GLIS1: variants seen among roughly 807,000 people sequenced by gnomAD.
GLIS1 encodes the protein zinc finger protein GLIS1.
GLIS1 carries 24 observed loss-of-function variants against 63.8 expected under a neutral mutation model. That is an observed-to-expected ratio of 0.38 (90% CI 0.27 to 0.53). The LOEUF is 0.53. GLIS1 is among the 20% of genes least tolerant of loss of function. The probability of loss-of-function intolerance (pLI) is 0.85; values close to 1 mark genes in which losing one functional copy is unlikely to be tolerated. For missense variants in GLIS1, 1,036 were observed against 1,074.1 expected, an observed-to-expected ratio of 0.96 and a Z score of 0.50; for synonymous variants, 450 against 482.5, an observed-to-expected ratio of 0.93 and a Z score of 0.88.
intron 4 of GLIS1, among the ~76,000 whole-genome samples, chr1:53,565,893 A>G (rs778105209): frequency 1.3e-5 from 2 of 152,158 alleles, no homozygotes; most frequent in Non-Finnish European, 2.9e-5. Context: ...AAGTAGGAGA[A>G]CCACAGGCAA....
At chr1:53,703,372 C>T (rs1224657551) in intron 2 of GLIS1, among the ~76,000 whole-genome samples, 1 of 152,106 alleles carries the variant, frequency 6.6e-6, no homozygotes, top group Non-Finnish European at 1.5e-5. Flanking sequence ...TGCAGTGGCT[C>T]ATGCCTGTAA....
In GLIS1 at chr1:53,524,895, A is replaced by T; in HGVS notation, c.1483-8T>A. ...CTGACAGGCGTACGGCTTCTGTAAC[A>T]TGGGGGGCACGGGTGGGGTGAGTGA... On this transcript the variant is annotated splice_polypyrimidine_tract_variant and splice_region_variant and intron_variant, in intron 5 of 10. Coordinates refer to ENST00000628545, the MANE Select transcript of GLIS1 (RefSeq NM_001367484.1). The T allele has an allele frequency of 3.2e-6, 5 of 1,566,612 alleles. No homozygotes were observed. Among genetic ancestry groups the T allele is most frequent in the Admixed American group, 1.7e-5 (1 of 59,360 alleles).
At chr1:53,734,017 G>C (rs1646889110) in intron 2 of GLIS1, 1 of 983,636 alleles carries the variant, frequency 1.0e-6, no homozygotes. Context: ...ATGACTTACT[G>C]TCCACCGCCC....
intron 2 of GLIS1, among the ~76,000 whole-genome samples, chr1:53,626,025 C>T (rs1645590102): frequency 6.6e-6 from 1 of 152,214 alleles, no homozygotes; most frequent in South Asian, 2.1e-4. Flanking sequence ...CCCACTTGCT[C>T]TCTAGGGCTC....
At position 53,593,800 on chromosome 1, in the gene GLIS1, CT is replaced by C. The variant is rs370691941; in HGVS notation, c.1320+307del. Among the ~76,000 whole-genome samples the C allele has an allele frequency of 1.7e-4, 26 of 152,362 alleles. No homozygotes were observed. The East Asian group carries it at 5.0e-3, about 29-fold the overall frequency. ...ACATGAAAGAAGAGGCTGGCCACGC[CT>C]GTTTTTCCAATCGCATGTGCACACA... On this transcript the variant is annotated intron_variant, in intron 4 of 10. Transcript: ENST00000628545.
chr1:53,558,639 A>T lies in GLIS1; in HGVS notation c.1321-28687T>A, dbSNP rs540121. Among the ~76,000 whole-genome samples, 524 of 152,276 alleles carry T rather than the reference A, an allele frequency of 3.4e-3. 5 individuals carry two copies. Among genetic ancestry groups the T allele is most frequent in the African/African-American group, 0.01 (418 of 41,554 alleles). ...TAGACTGGGGCAAGCAGGGTGTCCC[A>T]AGGTCAAGCAGGGTGTCCCATTCAT... is the stretch of plus-strand genomic sequence containing the variant. On this transcript the variant is annotated intron_variant, in intron 4 of 10. Transcript: ENST00000628545.
chr1:53,594,194 C>T lies in GLIS1; in HGVS notation c.1234G>A (p.Val412Met), dbSNP rs878859840. The T allele has an allele frequency of 1.1e-5, 17 of 1,613,840 alleles. No individual in the cohort carries two copies. Among genetic ancestry groups the T allele is most frequent in the African/African-American group, 2.7e-5 (2 of 74,946 alleles). ...GCGTTGAAGGGCTTGTAGCGGCGCA[C>T]GCAGCCAGCCCAGAAGCAGGTGAAG... ...EDFTCFWAGCVRRYKPFNARY... is the reference protein window; with the variant it reads ...EDFTCFWAGCMRRYKPFNARY... Residue 412 changes from valine to methionine, a missense_variant, in exon 4 of 11, where the codon GTG (valine) becomes ATG (methionine). By Grantham distance (21) the Val-to-Met change is conservative. Coordinates refer to ENST00000628545, the MANE Select transcript of GLIS1 (RefSeq NM_001367484.1).
At chr1:53,626,836 G>A (rs1645599257) in intron 2 of GLIS1, among the ~76,000 whole-genome samples, 1 of 152,222 alleles carries the variant, frequency 6.6e-6, no homozygotes, top group African/African-American at 2.4e-5. Context: ...AGCTGTGGCT[G>A]ACATGCCCCT....
In GLIS1 at chr1:53,560,438, A is replaced by G. The variant is rs561299464; in HGVS notation, c.1321-30486T>C. Among the ~76,000 whole-genome samples the G allele has an allele frequency of 6.6e-6, 1 of 152,210 alleles. No homozygotes were observed. The highest frequency in any genetic ancestry group is 2.4e-5 in the African/African-American group (1 of 41,456). ...GCAAGGGCAGGGGTTCCACTGGCAG[A>G]CGGACAGTTCCGGTCGGGAGATATC... On this transcript the variant is annotated intron_variant, in intron 4 of 10. Coordinates refer to ENST00000628545, the MANE Select transcript of GLIS1 (RefSeq NM_001367484.1). This position sits in a 1 kb window ranked among gnomAD's most constrained non-coding sequence, Gnocchi z 4.4.
chr1:53,567,993 G>A (rs1239027671), intron 4 of GLIS1, among the ~76,000 whole-genome samples: 1 of 152,226 alleles, frequency 6.6e-6, no homozygotes, highest in Non-Finnish European at 1.5e-5. Flanking sequence ...CCCCCCTTGG[G>A]CCTATGAGAA....
chr1:53,666,798 G>A (rs1180623716), intron 2 of GLIS1, among the ~76,000 whole-genome samples: 1 of 151,946 alleles, frequency 6.6e-6, no homozygotes, highest in Non-Finnish European at 1.5e-5. Flanking sequence ...GAGCCAGCAG[G>A]GCAGGGGTGA....
intron 4 of GLIS1, among the ~76,000 whole-genome samples, chr1:53,565,972 C>T (rs995778022): frequency 6.6e-6 from 1 of 151,968 alleles, no homozygotes. Flanking sequence ...CAAATTATAT[C>T]CAAGTTGGGT....
intron 2 of GLIS1, among the ~76,000 whole-genome samples, chr1:53,691,482 C>G (rs1239148373): frequency 6.6e-6 from 1 of 152,180 alleles, no homozygotes; most frequent in African/African-American, 2.4e-5. Flanking sequence ...GATGAGGACC[C>G]CGGGCCCAGG....
chr1:53,586,269 A>G (rs1315242270), intron 4 of GLIS1, among the ~76,000 whole-genome samples: 1 of 150,942 alleles, frequency 6.6e-6, no homozygotes, highest in Non-Finnish European at 1.5e-5. Context: ...AAGAGAAGAA[A>G]GGACATTGGC....
At chr1:53,590,724 A>G (rs893262205) in intron 4 of GLIS1, among the ~76,000 whole-genome samples, 15 of 152,366 alleles carry the variant, frequency 9.8e-5, no homozygotes, top group Middle Eastern at 3.4e-3. Context: ...CGTAAGAAAC[A>G]TAACAGGATA....
At chr1:53,720,339 T>A (rs181547169) in intron 2 of GLIS1, among the ~76,000 whole-genome samples, 1 of 152,142 alleles carries the variant, frequency 6.6e-6, no homozygotes. Flanking sequence ...AAGAATGAAA[T>A]CCTGTCATCT....
chr1:53,680,972 G>A (rs1646268946), intron 2 of GLIS1, among the ~76,000 whole-genome samples: 2 of 152,234 alleles, frequency 1.3e-5, no homozygotes, highest in Admixed American at 1.3e-4. Flanking sequence ...TCTACCCTGA[G>A]CAGACGCTGG....
chr1:53,659,144 C>G lies in GLIS1; in HGVS notation c.260-58866G>C, dbSNP rs79023304. Among the ~76,000 whole-genome samples, 3 of 152,278 alleles carry G rather than the reference C, an allele frequency of 2.0e-5. No individual in the cohort carries two copies. The East Asian group carries it at 5.8e-4, about 29-fold the overall frequency. On this transcript the variant is annotated intron_variant, in intron 2 of 10. Transcript: ENST00000628545. ...CAGACCCTGAAGCCCTCTGAGTGCT[C>G]TGAGCCTGAAGAATGGCTCTGCAAG... is the stretch of plus-strand genomic sequence containing the variant.
intron 2 of GLIS1, among the ~76,000 whole-genome samples, chr1:53,729,711 C>T (rs535295661): frequency 2.6e-5 from 4 of 152,216 alleles, no homozygotes; most frequent in African/African-American, 7.2e-5. Context: ...AAACCTTCTT[C>T]GAGATACTTG....
Sources: allele counts gnomAD v4.1 joint callset (sites outside exome capture counted in the v4.1 genomes callset), GRCh38; gene constraint gnomAD v4.1.1; non-coding constraint Gnocchi (gnomAD v3.1); transcripts MANE v1.5; gene names NCBI Gene and HGNC (gene_info 2026-07-23, HGNC 2026-07-21).